NLRP4: variants seen among roughly 807,000 people sequenced by gnomAD.
NLRP4 encodes NLR family pyrin domain containing 4.
NLRP4 carries 44 observed loss-of-function variants against 84.7 expected under a neutral mutation model. That is an observed-to-expected ratio of 0.52 (90% confidence interval 0.41 to 0.67). NLRP4 has a LOEUF of 0.67. Among genes scored for constraint, NLRP4 ranks in the 30% least tolerant of loss-of-function variants. The pLI is 0.00. For synonymous variants in NLRP4, 544 were observed against 476.4 expected, an observed-to-expected ratio of 1.14 and a Z score of -1.85; for missense variants, 1,260 against 1,219.4, an observed-to-expected ratio of 1.03 and a Z score of -0.50.
rs570217066 is a variant in NLRP4 at position 55,844,856 on chromosome 19, T to C, written c.-65-7160T>C. 9.9e-5 allele frequency among the ~76,000 whole-genome samples: 15 copies of C among 152,104 alleles called. No homozygotes were observed. In the East Asian group the frequency reaches 2.5e-3, roughly 26 times the overall value. Reference sequence around the variant, plus strand: ...TCCCTGGTGATTTTTGTGGTGGTAGTGGTGGTAGAGGAGTGTGTGTGCGTG... The same window carrying C: ...TCCCTGGTGATTTTTGTGGTGGTAGCGGTGGTAGAGGAGTGTGTGTGCGTG... On this transcript the variant is annotated intron_variant, in intron 1 of 9. Transcript: ENST00000301295.
rs1011361265 is a variant in NLRP4, at chr19:55,846,841, C to T, written c.-65-5175C>T. ...CTTTTTAAGACTATTGGCAAAAGCA[C>T]GCAGGGGAGAAGCCATGAAGGTCAC... On this transcript the variant is annotated intron_variant, in intron 1 of 9. Coordinates refer to ENST00000301295, the MANE Select transcript of NLRP4 (RefSeq NM_134444.5). Among the ~76,000 whole-genome samples the T allele has an allele frequency of 1.4e-4, 22 of 152,238 alleles. No individual in the cohort carries two copies. The East Asian group carries it at 3.3e-3, about 23-fold the overall frequency.
chr19:55,870,491 C>A (rs758218484), intron 6 of NLRP4, among the ~76,000 whole-genome samples: 5 of 152,106 alleles, frequency 3.3e-5, no homozygotes, highest in Admixed American at 2.6e-4. Flanking sequence ...GGTGAAACCC[C>A]GTCTCTACTA....
intron 7 of NLRP4, among the ~76,000 whole-genome samples, chr19:55,874,237 T>C (rs1055632889): frequency 6.6e-6 from 1 of 152,188 alleles, no homozygotes; most frequent in Non-Finnish European, 1.5e-5. Flanking sequence ...AATAATATAG[T>C]TTATTTAGCC....
chr19:55,852,483 T>G lies in NLRP4; in HGVS notation c.280+123T>G, dbSNP rs1196539615. 2.5e-5 allele frequency: 16 copies of G among 648,316 alleles called. No homozygotes were observed. In the African/African-American group the frequency reaches 2.5e-4, roughly 10 times the overall value. The allele number at this position is 648,316 out of a possible 1,614,324, so 40.2% of individuals were successfully genotyped here. On this transcript the variant is annotated intron_variant, in intron 2 of 9. Transcript: ENST00000301295. ...GCTATGGGAAAATATTAGGTTTTTT[T>G]TTTTTTTTTTTTGGTAGACGGAGTC...
At chr19:55,881,256 G>A (rs66626507) in intron 9 of NLRP4, among the ~76,000 whole-genome samples, 23,072 of 151,498 alleles carry the variant, frequency 0.15, 1,975 homozygotes, top group East Asian at 0.36. Flanking sequence ...ACAGAAATTG[G>A]CAAAGCTATA....
rs2122980075 is a variant in NLRP4 at position 55,836,942 on chromosome 19, G to GA, written c.-66+8_-66+9insA. The GA allele has an allele frequency of 6.6e-6, 1 of 152,182 alleles. No individual in the cohort carries two copies. The highest frequency in any genetic ancestry group is 2.1e-4 in the South Asian group (1 of 4,810). 9.4% of individuals were successfully genotyped at this position (152,182 alleles called of 1,614,324 possible). A position where few individuals can be genotyped will look rare whatever the true frequency, so the allele number is the denominator to read the frequency against. ...AACATAGACAGGGATGAGGTAAGGG[G>GA]GGGGACTTCCCATGAAAGGTGGGAC... On this transcript the variant is annotated intron_variant, in intron 1 of 9. Transcript: ENST00000301295.
chr19:55,868,817 T>C (rs1383645308), intron 6 of NLRP4, among the ~76,000 whole-genome samples: 3 of 152,218 alleles, frequency 2.0e-5, no homozygotes, highest in Non-Finnish European at 2.9e-5. Context: ...AGCTGGGAGA[T>C]AGGGGAGGAT....
At chr19:55,849,631 C>T (rs556943177) in intron 1 of NLRP4, among the ~76,000 whole-genome samples, 3 of 152,314 alleles carry the variant, frequency 2.0e-5, no homozygotes, top group South Asian at 2.1e-4. Flanking sequence ...ATGGAAGAGA[C>T]GATCTGCCTC....
chr19:55,881,084 A>G (rs972402066), intron 9 of NLRP4, among the ~76,000 whole-genome samples: 1 of 151,446 alleles, frequency 6.6e-6, no homozygotes, highest in Non-Finnish European at 1.5e-5. Context: ...CTGGACATTT[A>G]TTTATGTCCA....
intron 3 of NLRP4, among the ~76,000 whole-genome samples, chr19:55,860,101 T>C (rs567168159): frequency 1.8e-4 from 27 of 150,658 alleles, no homozygotes; most frequent in Non-Finnish European, 3.5e-4. Context: ...TTCTCCTGCC[T>C]CGGCCTCCCG....
chr19:55,868,986 A>G (rs1985068678), intron 6 of NLRP4, among the ~76,000 whole-genome samples: 2 of 152,224 alleles, frequency 1.3e-5, no homozygotes, highest in African/African-American at 4.8e-5. Flanking sequence ...ACAACCAAAA[A>G]TAACCAACTA....
At position 55,870,845 on chromosome 19, in the gene NLRP4, C is replaced by T. The variant is rs752270637; in HGVS notation, c.2373C>T (p.Leu791=). Residue 791 remains leucine (L), a synonymous_variant, in exon 7 of 10, where the codon CTC becomes CTT. Coordinates refer to ENST00000301295, the MANE Select transcript of NLRP4 (RefSeq NM_134444.5). ...LVYLMLAFCH[L]SEQCCEYISE... is the part of the protein sequence containing the mutation. ...CCCATAGGTTGGCTTTCTGCCACCT[C>T]AGCGAGCAGTGCTGCGAATACATCT... 2 of 1,613,630 alleles carry T rather than the reference C, an allele frequency of 1.2e-6. No homozygotes were observed. The highest frequency in any genetic ancestry group is 1.7e-6 in the Non-Finnish European group (2 of 1,179,646).
intron 5 of NLRP4, among the ~76,000 whole-genome samples, chr19:55,866,079 G>C (rs939152367): frequency 2.0e-5 from 3 of 151,880 alleles, no homozygotes; most frequent in Admixed American, 2.0e-4. Flanking sequence ...TGTCACCCAG[G>C]CTGGAGTGCA....
intron 5 of NLRP4, among the ~76,000 whole-genome samples, chr19:55,864,036 A>G (rs1028289676): frequency 6.6e-6 from 1 of 152,218 alleles, no homozygotes; most frequent in Admixed American, 6.5e-5. Context: ...TCCACATACC[A>G]CAAAACATAT....
Position 55,856,669 on chromosome 19 carries a change from C to A in NLRP4, c.281-1005C>A, listed in dbSNP as rs895981337. ...TAGCTGGGACTACAGGCACACACCA[C>A]CACGCCCGGCTAATTTTTGTATTTT... On this transcript the variant is annotated intron_variant, in intron 2 of 9. Transcript: ENST00000301295. 1.8e-4 allele frequency among the ~76,000 whole-genome samples: 28 copies of A among 152,066 alleles called. No individual in the cohort carries two copies. In the South Asian group the frequency reaches 4.2e-3, roughly 23 times the overall value.
At chr19:55,849,639 C>A (rs367874463) in intron 1 of NLRP4, among the ~76,000 whole-genome samples, 1 of 152,240 alleles carries the variant, frequency 6.6e-6, no homozygotes, top group African/African-American at 2.4e-5. Flanking sequence ...GACGATCTGC[C>A]TCCATTGTGC....
At chr19:55,837,550 T>C (rs1458140268) in intron 1 of NLRP4, among the ~76,000 whole-genome samples, 4 of 152,032 alleles carry the variant, frequency 2.6e-5, no homozygotes, top group African/African-American at 9.7e-5. Context: ...TTTATCTTTC[T>C]ATATCAATAA....
intron 2 of NLRP4, among the ~76,000 whole-genome samples, chr19:55,856,022 C>T (rs1984396085): frequency 6.6e-6 from 1 of 152,246 alleles, no homozygotes; most frequent in Non-Finnish European, 1.5e-5. Context: ...TCGAGACAGT[C>T]TCGCTCTATT....
intron 7 of NLRP4, among the ~76,000 whole-genome samples, chr19:55,875,030 A>G (rs1314163815): frequency 6.6e-6 from 1 of 152,226 alleles, no homozygotes; most frequent in Non-Finnish European, 1.5e-5. Context: ...TCATGATCTA[A>G]AATGCAGAAA....
Sources: gnomAD v4.1 joint callset for allele counts (sites outside exome capture counted in the v4.1 genomes callset) on GRCh38, gnomAD v4.1.1 for gene constraint, MANE v1.5 for transcripts, NCBI Gene and HGNC (gene_info 2026-07-23, HGNC 2026-07-21) for gene names.